PCDH15: variants seen among roughly 807,000 people sequenced by gnomAD.
The protein encoded by PCDH15 is protocadherin related 15.
PCDH15 carries 129 observed loss-of-function variants against 178.5 expected under a neutral mutation model. That is an observed-to-expected ratio of 0.72 (90% CI 0.63 to 0.84). The LOEUF (loss-of-function observed/expected upper bound fraction) is 0.84. Among genes scored for constraint, PCDH15 ranks in the 40% least tolerant of loss-of-function variants. The pLI is 0.00. For synonymous variants in PCDH15, 800 were observed against 732.0 expected (o/e 1.09, Z -1.50); for missense variants, 2,230 against 2,099.9 (o/e 1.06, Z -1.21).
At chr10:55,130,409 G>A (rs1838008701) in intron 2 of PCDH15, among the ~76,000 whole-genome samples, 1 of 152,112 alleles carries the variant, frequency 6.6e-6, no homozygotes, top group African/African-American at 2.4e-5. Context: ...AAGAACATGT[G>A]GCTGGATCTG....
Position 55,504,060 on chromosome 10 carries a change from G to A in PCDH15, c.-156+123565C>T, listed in dbSNP as rs187549528. On this transcript the variant is annotated intron_variant, in intron 2 of 5. Coordinates refer to the PCDH15 transcript ENST00000613346. ...TGGAGGACAGAGTATTTTTAGGGCA[G>A]GGAAACAACTCTGTATGACTATAAT... Among the ~76,000 whole-genome samples, 21 of 151,416 alleles carry A rather than the reference G, an allele frequency of 1.4e-4. No individual in the cohort carries two copies. The East Asian group carries it at 3.9e-3, about 28-fold the overall frequency.
At chr10:54,748,684 T>C (rs1348905897) in intron 1 of PCDH15, among the ~76,000 whole-genome samples, 1 of 152,242 alleles carries the variant, frequency 6.6e-6, no homozygotes, top group Non-Finnish European at 1.5e-5. Context: ...CATAAAATCC[T>C]AACCAGGACC....
chr10:54,838,631 G>A (rs1953363920), intron 3 of PCDH15, among the ~76,000 whole-genome samples: 2 of 152,038 alleles, frequency 1.3e-5, no homozygotes, highest in Non-Finnish European at 2.9e-5. Flanking sequence ...CACCTAACTG[G>A]GTACCACAGC....
At chr10:54,522,087 C>CAAAAAAAAAAAAAAAAAA (rs11313978) in intron 3 of PCDH15, among the ~76,000 whole-genome samples, 2 of 58,890 alleles carry the variant, frequency 3.4e-5, no homozygotes, top group Non-Finnish European at 6.3e-5. Flanking sequence ...GAATCCATCT[C>CAAAAAAAAAAAAAAAAAA]AAAAAAAAAA....
At chr10:53,870,887 C>A (rs1230810822) in intron 26 of PCDH15, among the ~76,000 whole-genome samples, 1 of 152,110 alleles carries the variant, frequency 6.6e-6, no homozygotes, top group Non-Finnish European at 1.5e-5. Flanking sequence ...AGTTTTAAAT[C>A]TGGGTCAATA....
At chr10:55,530,838 T>G (rs905823850) in intron 2 of PCDH15, among the ~76,000 whole-genome samples, 3 of 151,968 alleles carry the variant, frequency 2.0e-5, no homozygotes, top group African/African-American at 7.2e-5. Flanking sequence ...TAATTATACA[T>G]AAAATTGTTG....
At chr10:55,118,459 G>A (rs1169451167) in intron 2 of PCDH15, among the ~76,000 whole-genome samples, 1 of 152,078 alleles carries the variant, frequency 6.6e-6, no homozygotes, top group Non-Finnish European at 1.5e-5. Context: ...CCCTTACAAT[G>A]ACTTTCAACT....
At chr10:55,137,434 G>A (rs1214401897) in intron 2 of PCDH15, among the ~76,000 whole-genome samples, 2 of 152,028 alleles carry the variant, frequency 1.3e-5, no homozygotes, top group Admixed American at 1.3e-4. Context: ...TATGATCTAG[G>A]TTTGTGCAAG....
At chr10:54,978,431 C>G (rs762412987) in intron 2 of PCDH15, among the ~76,000 whole-genome samples, 1 of 152,022 alleles carries the variant, frequency 6.6e-6, no homozygotes, top group Non-Finnish European at 1.5e-5. Context: ...CAATAATGCC[C>G]AAGACTTGTA....
At chr10:55,550,824 T>G (rs1024849307) in intron 2 of PCDH15, among the ~76,000 whole-genome samples, 1 of 152,126 alleles carries the variant, frequency 6.6e-6, no homozygotes, top group Non-Finnish European at 1.5e-5. Context: ...CTTCTTCTAC[T>G]TCAAACATTT....
chr10:54,267,017 A>G (rs1450528691), intron 8 of PCDH15, among the ~76,000 whole-genome samples: 2 of 151,972 alleles, frequency 1.3e-5, no homozygotes, highest in South Asian at 4.1e-4. Flanking sequence ...ATGAACATAG[A>G]TGAAAAAATC....
chr10:54,913,919 T>G (rs189528768), intron 2 of PCDH15, among the ~76,000 whole-genome samples: 1 of 152,362 alleles, frequency 6.6e-6, no homozygotes, highest in East Asian at 1.9e-4. Flanking sequence ...ACCCAGTGCC[T>G]GTACCCCCAC....
chr10:55,329,415 G>T (rs180800811), intron 2 of PCDH15, among the ~76,000 whole-genome samples: 6 of 151,708 alleles, frequency 4.0e-5, no homozygotes, highest in Non-Finnish European at 7.4e-5. Flanking sequence ...CACATAAACA[G>T]AAGCTCTTTG....
At chr10:54,976,721 T>C (rs1374205817) in intron 2 of PCDH15, among the ~76,000 whole-genome samples, 1 of 152,196 alleles carries the variant, frequency 6.6e-6, no homozygotes. Flanking sequence ...CAGTAAGGGA[T>C]TGTAGAAATT....
At chr10:53,988,934 T>C (rs1364461377) in intron 21 of PCDH15, among the ~76,000 whole-genome samples, 1 of 152,164 alleles carries the variant, frequency 6.6e-6, no homozygotes, top group Non-Finnish European at 1.5e-5. Context: ...AATCAGCCCC[T>C]AGAATCAAAG....
chr10:55,256,371 G>A (rs764376106), intron 1 of PCDH15, among the ~76,000 whole-genome samples: 16 of 152,172 alleles, frequency 1.1e-4, no homozygotes, highest in Non-Finnish European at 1.9e-4. Flanking sequence ...GTGTCGGAAA[G>A]TGGGTGCAGG....
intron 8 of PCDH15, among the ~76,000 whole-genome samples, chr10:54,257,205 T>A (rs1358386602): frequency 6.6e-6 from 1 of 152,066 alleles, no homozygotes; most frequent in East Asian, 1.9e-4. Context: ...AACTAATATA[T>A]GATACAACTA....
chr10:54,200,893 T>C (rs1403344563), intron 10 of PCDH15, among the ~76,000 whole-genome samples: 1 of 152,194 alleles, frequency 6.6e-6, no homozygotes, highest in African/African-American at 2.4e-5. Flanking sequence ...GTCAGTACTA[T>C]TATGACTCCT....
chr10:54,265,530 C>A (rs2057617201), intron 8 of PCDH15, among the ~76,000 whole-genome samples: 1 of 150,274 alleles, frequency 6.7e-6, no homozygotes, highest in African/African-American at 2.4e-5. Context: ...TTCAAGAGAC[C>A]CATCTCATAA....
Sources: gnomAD v4.1 joint callset for allele counts (sites outside exome capture counted in the v4.1 genomes callset) on GRCh38, gnomAD v4.1.1 for gene constraint, MANE v1.5 for transcripts, NCBI Gene and HGNC (gene_info 2026-07-23, HGNC 2026-07-21) for gene names.